The following MTRR variants were observed in gnomAD, a reference collection of about 807,000 sequenced individuals.
MTRR encodes the protein 5-methyltetrahydrofolate-homocysteine methyltransferase reductase.
A neutral mutation model predicts 79.2 loss-of-function variants in MTRR; 63 were observed. The ratio of observed to expected loss-of-function variants is 0.80; its 90% CI spans 0.65 to 0.98. The LOEUF (loss-of-function observed/expected upper bound fraction) is 0.98, where lower values mean the gene tolerates loss of function less well. Among genes scored for constraint, MTRR ranks in the 50% least tolerant of loss-of-function variants. The pLI is 0.00. For synonymous variants in MTRR, 355 were observed against 313.3 expected (o/e 1.13, Z -1.41); for missense variants, 895 against 839.6 (o/e 1.07, Z -0.82).
chr5:7,853,471 G>C (rs903737968), intron 1 of MTRR, among the ~76,000 whole-genome samples: 5 of 152,172 alleles, frequency 3.3e-5, no homozygotes, highest in African/African-American at 1.2e-4. Context: ...CTCAAGTCAG[G>C]CATACAGGCA....
chr5:7,857,378 C>T (rs1336363149), intron 1 of MTRR, among the ~76,000 whole-genome samples: 4 of 152,150 alleles, frequency 2.6e-5, no homozygotes, highest in East Asian at 1.9e-4. Flanking sequence ...CAAATTTGCT[C>T]GTTAGTGACA....
intron 6 of MTRR, among the ~76,000 whole-genome samples, chr5:7,884,171 T>C (rs76316119): frequency 0.017 from 2,512 of 152,150 alleles, 33 homozygotes; most frequent in Non-Finnish European, 0.025. Context: ...CTCAATTTTT[T>C]TAAAAAAAGA....
rs149678769 is a variant in MTRR at position 7,889,130 on chromosome 5, C to T, written c.1182C>T (p.Asp394=). 7 of 1,614,008 alleles carry T rather than the reference C, an allele frequency of 4.3e-6. No homozygotes were observed. Among genetic ancestry groups the T allele is most frequent in the Non-Finnish European group, 5.9e-6 (7 of 1,179,992 alleles). The stretch of plus-strand genomic sequence containing the variant: ...GAGCCCTTGTGGACTATACCAGTGA[C>T]AGTGCTGAAAAGCGCAGGCTACAGG... The part of the protein sequence containing the change: ...FLRALVDYTS[D]SAEKRRLQEL... The change falls in exon 9 of 15, where the codon GAC becomes GAT. Residue 394 remains aspartate, a synonymous_variant. Transcript: ENST00000440940.
At position 7,892,896 on chromosome 5, in the gene MTRR, A is replaced by G; in HGVS notation, c.1540A>G (p.Lys514Glu). 1.2e-6 allele frequency: 2 copies of G among 1,614,194 alleles called. No homozygotes were observed. Among genetic ancestry groups the G allele is most frequent in the Non-Finnish European group, 8.5e-7 (1 of 1,180,014 alleles). ...ACATGCATCCCATGAAGACAGCGGG[A>G]AAGCCCTGGCTCCTAAGGTAAGAAA... ...NIHASHEDSG[K>E]ALAPKISISP... is the part of the protein sequence containing the mutation. The change falls in exon 11 of 15, where the codon AAA (lysine) becomes GAA (glutamate). Residue 514 changes from lysine to glutamate, a missense_variant. Physicochemically the swap from Lys to Glu is moderately conservative, Grantham distance 56. Coordinates refer to ENST00000440940, the MANE Select transcript of MTRR (RefSeq NM_002454.3).
chr5:7,872,245 G>A (rs976888717), intron 2 of MTRR: 2 of 454,696 alleles, frequency 4.4e-6, no homozygotes, highest in Non-Finnish European at 8.8e-6. Context: ...AAAATAAGGT[G>A]AATTATTTGG....
rs2126815094 is a variant in MTRR, at chr5:7,897,254, CATT to C, written c.1952+10_1952+12del. ...GCCATATTTATGTGTGTGGGTGAGT[CATT>C]ATCGTGCCTAAGTCGGGTAGGAGAG... On this transcript the variant is annotated splice_region_variant and intron_variant, in intron 14 of 14. Transcript: ENST00000440940. 1 of 1,612,858 alleles carries C rather than the reference CATT, an allele frequency of 6.2e-7. No homozygotes were observed. The highest frequency in any genetic ancestry group is 1.7e-4 in the Middle Eastern group (1 of 5,982).
chr5:7,886,447 C>A lies in MTRR; in HGVS notation c.1058-168C>A. 3 of 611,564 alleles carry A rather than the reference C, an allele frequency of 4.9e-6. No individual in the cohort carries two copies. The South Asian group carries it at 5.9e-5, about 12-fold the overall frequency. 37.9% of individuals were successfully genotyped at this position (611,564 alleles called of 1,614,324 possible). On this transcript the variant is annotated intron_variant, in intron 7 of 14. Coordinates refer to ENST00000440940, the MANE Select transcript of MTRR (RefSeq NM_002454.3). ...TGTTTTTGTAAGGTGGAGTTTTTTA[C>A]TGTATTCATTTTGGGGAATTTTTTT...
At chr5:7,899,132 C>T (rs764390605) in intron 14 of MTRR, among the ~76,000 whole-genome samples, 8 of 152,046 alleles carry the variant, frequency 5.3e-5, no homozygotes, top group African/African-American at 1.7e-4. Context: ...CTCATTACAG[C>T]GAGCATAACA....
At chr5:7,862,895 C>T in intron 2 of MTRR, 8 of 1,613,994 alleles carry the variant, frequency 5.0e-6, no homozygotes, top group Non-Finnish European at 6.8e-6. Context: ...TTAGTCAGCC[C>T]AATCTTCACA....
chr5:7,874,277 A>G (rs893812697), intron 3 of MTRR, among the ~76,000 whole-genome samples: 4 of 152,244 alleles, frequency 2.6e-5, no homozygotes, highest in African/African-American at 9.6e-5. Context: ...GAGGGTATCT[A>G]GCAAGGATGG....
intron 14 of MTRR, 35 bp from the exon 15 acceptor site, chr5:7,899,879 T>G (rs1267953332): frequency 6.2e-7 from 1 of 1,613,742 alleles, no homozygotes; most frequent in South Asian, 1.1e-5. Flanking sequence ...AAAATGCCTG[T>G]TTGTAAGCAG....
chr5:7,868,792 A>C (rs1384623698), upstream of MTRR, among the ~76,000 whole-genome samples: 1 of 152,246 alleles, frequency 6.6e-6, no homozygotes, highest in Non-Finnish European at 1.5e-5. Flanking sequence ...CAAGACAGAC[A>C]GACGGGAGGC....
intron 1 of MTRR, 100 bp downstream of exon 1, chr5:7,869,315 C>A: frequency 2.1e-6 from 3 of 1,438,908 alleles, no homozygotes; most frequent in Non-Finnish European, 2.9e-6. Context: ...AGCCGGCTTG[C>A]GCCCGTGGTT....
chr5:7,887,511 T>C (rs1434435027), intron 8 of MTRR, among the ~76,000 whole-genome samples: 3 of 150,220 alleles, frequency 2.0e-5, no homozygotes, highest in East Asian at 3.9e-4. Flanking sequence ...TAAAGTACTT[T>C]AGAGAGAGGC....
At chr5:7,859,332 G>C (rs1469685829) in intron 1 of MTRR, 1 of 630,112 alleles carries the variant, frequency 1.6e-6, no homozygotes, top group African/African-American at 1.9e-5. Context: ...CACCAGTCTA[G>C]AACATATTCT....
chr5:7,866,577 T>A, upstream of MTRR: 1 of 1,183,390 alleles, frequency 8.5e-7, no homozygotes. Context: ...TGCCTTTATA[T>A]GTGACTTGAA....
chr5:7,886,801 A>C (rs1736541021), intron 8 of MTRR, 98 bp downstream of exon 8: 2 of 941,226 alleles, frequency 2.1e-6, no homozygotes, highest in African/African-American at 3.3e-5. Flanking sequence ...TTGCAGTCTT[A>C]AAAAATGTGA....
chr5:7,867,510 G>A, upstream of MTRR: 1 of 1,614,236 alleles, frequency 6.2e-7, no homozygotes, highest in Non-Finnish European at 8.5e-7. Context: ...CTACTTTGAG[G>A]ATCCACATGC....
intron 11 of MTRR, 22 bp from the exon 12 acceptor site, chr5:7,895,712 C>G: frequency 6.2e-7 from 1 of 1,613,498 alleles, no homozygotes; most frequent in Non-Finnish European, 8.5e-7. Context: ...TCATACTTAC[C>G]ACATTTGATG....
Sources: allele counts gnomAD v4.1 joint callset (sites outside exome capture counted in the v4.1 genomes callset), GRCh38; gene constraint gnomAD v4.1.1; transcripts MANE v1.5; gene names NCBI Gene and HGNC (gene_info 2026-07-23, HGNC 2026-07-21).